CRTAC1: variants seen among roughly 807,000 people sequenced by gnomAD.
CRTAC1 encodes the protein cartilage acidic protein 1, also known as acidic secreted protein in cartilage.
CRTAC1 carries 37 observed loss-of-function variants against 67.8 expected under a neutral mutation model. That is an observed-to-expected ratio of 0.55 (90% CI 0.42 to 0.72). The LOEUF is 0.72. Ranked by LOEUF, CRTAC1 falls within the 30% of genes least tolerant of loss-of-function variation. The probability of loss-of-function intolerance (pLI) is 0.00; values close to 1 mark genes in which losing one functional copy is unlikely to be tolerated. For synonymous variants in CRTAC1, 348 were observed against 371.0 expected (o/e 0.94, Z 0.71); for missense variants, 780 against 931.6 (o/e 0.84, Z 2.12).
chr10:97,984,253 T>C (rs1442123093), intron 2 of CRTAC1, among the ~76,000 whole-genome samples: 3 of 152,328 alleles, frequency 2.0e-5, no homozygotes, highest in South Asian at 4.1e-4. Context: ...GGAGTGTGAC[T>C]TCTAGATAAT....
intron 8 of CRTAC1, 107 bp from the exon 9 acceptor site, chr10:97,897,098 C>T (rs2050472103): frequency 4.1e-6 from 3 of 729,310 alleles, no homozygotes; most frequent in Non-Finnish European, 6.7e-6. Context: ...TCCCAATGTG[C>T]ATGGGCTACC....
intron 5 of CRTAC1, among the ~76,000 whole-genome samples, chr10:97,914,175 G>C (rs934947462): frequency 2.0e-5 from 3 of 152,320 alleles, no homozygotes; most frequent in Middle Eastern, 3.4e-3. Flanking sequence ...GACCCCAGAG[G>C]GGATGGGGAT....
At chr10:97,963,791 T>C (rs187738490) in intron 2 of CRTAC1, among the ~76,000 whole-genome samples, 31 of 152,328 alleles carry the variant, frequency 2.0e-4, no homozygotes, top group Admixed American at 8.5e-4. Context: ...TTGATATTTA[T>C]TTACTTTTTA....
At chr10:97,935,759 C>T (rs1201035726) in intron 3 of CRTAC1, among the ~76,000 whole-genome samples, 1 of 152,184 alleles carries the variant, frequency 6.6e-6, no homozygotes, top group Non-Finnish European at 1.5e-5. Flanking sequence ...TCCTCTACAG[C>T]TAGCATGGAG....
intron 13 of CRTAC1, among the ~76,000 whole-genome samples, chr10:97,880,870 C>T (rs149476587): frequency 1.3e-5 from 2 of 152,230 alleles, no homozygotes; most frequent in East Asian, 3.9e-4. Flanking sequence ...CATCATCAAT[C>T]AGCTGCTCAA....
chr10:97,970,301 T>C (rs190866525), intron 2 of CRTAC1, among the ~76,000 whole-genome samples: 2 of 152,338 alleles, frequency 1.3e-5, no homozygotes, highest in Admixed American at 1.3e-4. Context: ...GCTTCCCCCT[T>C]TCCTTCCTTC....
At chr10:97,921,015 A>G (rs1428797352) in intron 4 of CRTAC1, among the ~76,000 whole-genome samples, 2 of 152,216 alleles carry the variant, frequency 1.3e-5, no homozygotes, top group Admixed American at 6.5e-5. Flanking sequence ...GGAGAGAGAG[A>G]GAACAGCACA....
chr10:97,918,092 C>A (rs908340775), intron 4 of CRTAC1, among the ~76,000 whole-genome samples: 1 of 152,146 alleles, frequency 6.6e-6, no homozygotes, highest in African/African-American at 2.4e-5. Flanking sequence ...CTCACTCCAG[C>A]CAAGATGACA....
At position 97,952,140 on chromosome 10, in the gene CRTAC1, C is replaced by T. The variant is rs572394416; in HGVS notation, c.225-15774G>A. Reference sequence around the variant, plus strand: ...GGCCGAGGCGGGCAGATCACAAGGTCAGGAGATCAAGACCAGCCTGGCTAA... The same window carrying T: ...GGCCGAGGCGGGCAGATCACAAGGTTAGGAGATCAAGACCAGCCTGGCTAA... On this transcript the variant is annotated intron_variant, in intron 2 of 14. Transcript: ENST00000370597. Among the ~76,000 whole-genome samples, 16 of 152,208 alleles carry T rather than the reference C, an allele frequency of 1.1e-4. No individual in the cohort carries two copies. In the South Asian group the frequency reaches 3.3e-3, roughly 32 times the overall value.
intron 1 of CRTAC1, among the ~76,000 whole-genome samples, chr10:98,023,052 G>A (rs1843154948): frequency 6.6e-6 from 1 of 152,130 alleles, no homozygotes; most frequent in African/African-American, 2.4e-5. Flanking sequence ...TGTCTCCAGT[G>A]GAAGTCCAAA....
chr10:97,868,124 G>C (rs1413701461), intron 14 of CRTAC1: 2 of 152,242 alleles, frequency 1.3e-5, no homozygotes, highest in Non-Finnish European at 2.9e-5. Context: ...TCGGCCTTTT[G>C]GCCAAGATCA....
At chr10:97,886,030 T>C (rs977266358) in intron 11 of CRTAC1, among the ~76,000 whole-genome samples, 1 of 152,202 alleles carries the variant, frequency 6.6e-6, no homozygotes, top group African/African-American at 2.4e-5. Flanking sequence ...AATGTCTTGA[T>C]GTATAAAAGG....
At chr10:97,936,901 G>A (rs2051098353) in intron 2 of CRTAC1, among the ~76,000 whole-genome samples, 1 of 152,180 alleles carries the variant, frequency 6.6e-6, no homozygotes, top group Admixed American at 6.5e-5. Context: ...GGTGCTGGGA[G>A]TTGAACCAAG....
Position 98,029,421 on chromosome 10 carries a change from C to T in CRTAC1, c.24+1028G>A, listed in dbSNP as rs1291754705. Among the ~76,000 whole-genome samples the T allele has an allele frequency of 6.6e-6, 1 of 152,068 alleles. No individual in the cohort carries two copies. The highest frequency in any genetic ancestry group is 1.5e-5 in the Non-Finnish European group (1 of 68,004). On this transcript the variant is annotated intron_variant, in intron 1 of 14. Coordinates refer to ENST00000370597, the MANE Select transcript of CRTAC1 (RefSeq NM_018058.7). The surrounding 1 kb of genome is among the most constrained non-coding windows in gnomAD (Gnocchi z 4.7). ...CCTCAAGTGCAACTCAAGAATGTGT[C>T]CTGTCAGGAGAACGGAAGCATCTCC...
At chr10:97,976,059 C>T (rs79184825) in intron 2 of CRTAC1, among the ~76,000 whole-genome samples, 1,897 of 152,274 alleles carry the variant, frequency 0.012, 46 homozygotes, top group African/African-American at 0.044. Context: ...CAGGGAGGTG[C>T]GTGCCTGGAG....
intron 2 of CRTAC1, among the ~76,000 whole-genome samples, chr10:97,993,407 T>A (rs1019422463): frequency 6.6e-6 from 1 of 152,192 alleles, no homozygotes; most frequent in African/African-American, 2.4e-5. Flanking sequence ...ATCTGATGGG[T>A]GTGCTGAACA....
At position 97,871,076 on chromosome 10, in the gene CRTAC1, T is replaced by C. The variant is rs867396710; in HGVS notation, c.1820-5362A>G. The C allele has an allele frequency of 2.0e-5, 3 of 152,216 alleles. No individual in the cohort carries two copies. In the South Asian group the frequency reaches 6.2e-4, roughly 32 times the overall value. 9.4% of individuals were successfully genotyped at this position (152,216 alleles called of 1,614,324 possible). On this transcript the variant is annotated intron_variant, in intron 14 of 14. Transcript: ENST00000370597. ...TTTCCTTCCTTTCAGAGCCCAGCCT[T>C]CGGAGGTTTCCGCATGAGCCTTCTC...
chr10:97,895,163 C>T lies in CRTAC1; in HGVS notation c.1486+82G>A. On this transcript the variant is annotated intron_variant, in intron 11 of 14. Transcript: ENST00000370597. This position sits in a 1 kb window ranked among gnomAD's most constrained non-coding sequence, Gnocchi z 4.2. The stretch of plus-strand genomic sequence containing the variant: ...CTGTCACAGTAGAGCGGAGCGGTGC[C>T]CAAGGATGCTCGGGCTGTGAGTCCC... 5 of 1,417,850 alleles carry T rather than the reference C, an allele frequency of 3.5e-6. No homozygotes were observed. Among genetic ancestry groups the T allele is most frequent in the Non-Finnish European group, 3.9e-6 (4 of 1,030,576 alleles). The allele number at this position is 1,417,850 out of a possible 1,614,324, so 87.8% of individuals were successfully genotyped here.
chr10:97,902,811 C>T (rs538072772), intron 7 of CRTAC1, among the ~76,000 whole-genome samples: 47 of 152,120 alleles, frequency 3.1e-4, no homozygotes, highest in African/African-American at 1.0e-3. Flanking sequence ...GGTCAGCGGT[C>T]GAGCTGCCTG....
Sources: allele counts gnomAD v4.1 joint callset (sites outside exome capture counted in the v4.1 genomes callset), GRCh38; gene constraint gnomAD v4.1.1; non-coding constraint Gnocchi (gnomAD v3.1); transcripts MANE v1.5; gene names NCBI Gene and HGNC (gene_info 2026-07-23, HGNC 2026-07-21).